The following ACACA variants were observed in gnomAD, a reference collection of about 807,000 sequenced individuals.
The protein encoded by ACACA is acetyl-CoA carboxylase alpha, also known as acetyl-CoA carboxylase 1.
Under a neutral mutation model 296.1 loss-of-function variants are expected in ACACA, and 103 were observed. That is an observed-to-expected ratio of 0.35 (90% CI 0.30 to 0.41). ACACA has a LOEUF of 0.41. Ranked by LOEUF, ACACA falls within the 10% of genes least tolerant of loss-of-function variation. The probability of loss-of-function intolerance (pLI) is 1.00; values close to 1 mark genes in which losing one functional copy is unlikely to be tolerated. For synonymous variants in ACACA, 953 were observed against 1,038.6 expected (o/e 0.92, Z 1.58); for missense variants, 1,554 against 2,989.7 (o/e 0.52, Z 11.20).
intron 8 of ACACA, 134 bp downstream of exon 8, chr17:37,275,817 C>A: frequency 1.3e-6 from 1 of 799,414 alleles, no homozygotes; most frequent in South Asian, 1.4e-5. Flanking sequence ...AAGCTAGGAG[C>A]TACAAGGTAC....
At chr17:37,242,159 A>G (rs1261194434) in intron 22 of ACACA, 106 bp from the exon 23 acceptor site, 1 of 852,624 alleles carries the variant, frequency 1.2e-6, no homozygotes, top group Non-Finnish European at 2.0e-6. Flanking sequence ...ATAACATGGC[A>G]GTTCCTATCT....
chr17:37,288,382 T>A (rs2082888094), intron 3 of ACACA, among the ~76,000 whole-genome samples: 1 of 152,166 alleles, frequency 6.6e-6, no homozygotes, highest in Non-Finnish European at 1.5e-5. Context: ...AAACCTCATG[T>A]TCAGAGAAGG....
chr17:37,360,445 G>A (rs1291808663), intron 1 of ACACA: 4 of 152,166 alleles, frequency 2.6e-5, no homozygotes, highest in African/African-American at 9.6e-5. Flanking sequence ...TTATCTAGGA[G>A]CCCTCATAAT....
At chr17:37,164,696 A>T (rs1456319518) in intron 41 of ACACA, among the ~76,000 whole-genome samples, 1 of 152,206 alleles carries the variant, frequency 6.6e-6, no homozygotes, top group Admixed American at 6.5e-5. Flanking sequence ...CTGCCTTCAC[A>T]CATGCCCCTC....
At chr17:37,089,107 GGGTCA>G in intron 54 of ACACA, 33 bp from the exon 55 acceptor site, 2 of 1,614,044 alleles carry the variant, frequency 1.2e-6, no homozygotes, top group African/African-American at 2.7e-5. Flanking sequence ...CAAACACCAG[GGGTCA>G]GGCCAGGCCG....
intron 3 of ACACA, among the ~76,000 whole-genome samples, chr17:37,324,491 G>A (rs1488859556): frequency 6.6e-6 from 1 of 151,252 alleles, no homozygotes; most frequent in Non-Finnish European, 1.5e-5. Flanking sequence ...CCAACATGGA[G>A]AAACCCCATC....
chr17:37,291,080 CAAAA>C (rs57643200), intron 3 of ACACA, among the ~76,000 whole-genome samples: 2 of 85,198 alleles, frequency 2.3e-5, no homozygotes, highest in Non-Finnish European at 2.3e-5. Flanking sequence ...GACTCTGTCT[CAAAA>C]AAAAAAAAAA....
At chr17:37,147,571 G>A (rs1055139642) in intron 45 of ACACA, among the ~76,000 whole-genome samples, 13 of 152,284 alleles carry the variant, frequency 8.5e-5, no homozygotes, top group South Asian at 2.1e-4. Context: ...AGGCAAAGGG[G>A]CTAATAGGAT....
intron 55 of ACACA, 84 bp from the exon 56 acceptor site, chr17:37,087,523 TGTGTGCACC>T: frequency 6.6e-7 from 1 of 1,520,612 alleles, no homozygotes; most frequent in East Asian, 2.3e-5. Context: ...CCAATAAACA[TGTGTGCACC>T]GTCCACTGCA....
rs1251647750 is a variant in ACACA at position 37,260,282 on chromosome 17, ATATATATATATATATTTTTTTTTTT to A, written c.1330-777_1330-753del. 2.2e-3 allele frequency among the ~76,000 whole-genome samples: 79 copies of A among 35,604 alleles called. 6 individuals are homozygous for A. Among genetic ancestry groups the A allele is most frequent in the African/African-American group, 0.011 (74 of 6,716 alleles). 23.4% of individuals were successfully genotyped at this position (35,604 alleles called of 152,430 possible). ...TATATATATATATATATATATATATATATATATATATATATTTTTTTTTTTTTTTTTTTTGGAGATGGAGTCTCGC... is the reference window on the plus strand; with the variant it reads ...TATATATATATATATATATATATATATTTTTTTTTGGAGATGGAGTCTCGC... On this transcript the variant is annotated intron_variant, in intron 11 of 55. Transcript: ENST00000616317.
rs1274551665 is a variant in ACACA, at chr17:37,113,695, G to C, written c.6275-430C>G. On this transcript the variant is annotated intron_variant, in intron 50 of 55. Coordinates refer to ENST00000616317, the MANE Select transcript of ACACA (RefSeq NM_198834.3). The surrounding 1 kb of genome is among the most constrained non-coding windows in gnomAD (Gnocchi z 4.0). Reference sequence around the variant, plus strand: ...GTTATTCTCATGATGCTTAGCATAGGATGAGCTCTTCAAATGTGCACCTAA... The same window carrying C: ...GTTATTCTCATGATGCTTAGCATAGCATGAGCTCTTCAAATGTGCACCTAA... Among the ~76,000 whole-genome samples, 1 of 152,190 alleles carries C rather than the reference G, an allele frequency of 6.6e-6. No individual in the cohort carries two copies. Among genetic ancestry groups the C allele is most frequent in the Non-Finnish European group, 1.5e-5 (1 of 68,034 alleles).
chr17:37,251,539 T>C (rs777590683), intron 16 of ACACA, among the ~76,000 whole-genome samples: 9 of 152,276 alleles, frequency 5.9e-5, no homozygotes, highest in Middle Eastern at 6.8e-3. Flanking sequence ...CAATCAGCAA[T>C]AGAAATTAGT....
chr17:37,192,340 A>G (rs779145025), intron 36 of ACACA, 35 bp from the exon 37 acceptor site: 103 of 1,584,490 alleles, frequency 6.5e-5, no homozygotes, highest in Non-Finnish European at 8.4e-5. Context: ...ACAGCTCACA[A>G]GAGGCAGTTA....
chr17:37,362,426 T>C (rs573847504), intron 1 of ACACA, among the ~76,000 whole-genome samples: 10 of 152,344 alleles, frequency 6.6e-5, no homozygotes, highest in African/African-American at 2.4e-4. Flanking sequence ...AAGGTGATTA[T>C]AGTCTATTTA....
Position 37,157,305 on chromosome 17 carries a change from G to A in ACACA, c.5350-1525C>T, listed in dbSNP as rs536947934. On this transcript the variant is annotated intron_variant, in intron 42 of 55. Transcript: ENST00000616317. The stretch of plus-strand genomic sequence containing the variant: ...AATGCACTGAGGCATGATGTGCTTC[G>A]CAGGTTTAAGAAAGCAGAGTCGGGT... Among the ~76,000 whole-genome samples the A allele has an allele frequency of 1.3e-3, 194 of 152,274 alleles. No individual in the cohort carries two copies. In the South Asian group the frequency reaches 0.013, roughly 10 times the overall value.
chr17:37,389,979 A>G (rs1450508761), intron 1 of ACACA, among the ~76,000 whole-genome samples: 2 of 148,968 alleles, frequency 1.3e-5, no homozygotes, highest in African/African-American at 5.0e-5. Context: ...ATTGGAGTCA[A>G]GAATCTTACT....
At chr17:37,249,206 C>A (rs896438682) in intron 16 of ACACA, among the ~76,000 whole-genome samples, 1 of 152,184 alleles carries the variant, frequency 6.6e-6, no homozygotes, top group African/African-American at 2.4e-5. Flanking sequence ...TTCTTTAAGG[C>A]TGAATAATAC....
In ACACA at chr17:37,179,293, C is replaced by T. The variant is rs766289506; in HGVS notation, c.5046G>A (p.Leu1682=). ...TELVLDDQGQ[L]VHMNRLPGGN... Reference sequence around the variant, plus strand: ...CTCCTGGAAGCCTGTTCATGTGGACCAGCTGACCTTGATCATCCAGTACCA... The same window carrying T: ...CTCCTGGAAGCCTGTTCATGTGGACTAGCTGACCTTGATCATCCAGTACCA... The change falls in exon 41 of 56, where the codon CTG becomes CTA. Residue 1682 remains leucine (L), a synonymous_variant. Coordinates refer to ENST00000616317, the MANE Select transcript of ACACA (RefSeq NM_198834.3). 1.9e-6 allele frequency: 3 copies of T among 1,614,086 alleles called. No homozygotes were observed. The highest frequency in any genetic ancestry group is 2.5e-6 in the Non-Finnish European group (3 of 1,180,000).
chr17:37,322,171 A>G (rs2047386387), intron 3 of ACACA, among the ~76,000 whole-genome samples: 1 of 152,236 alleles, frequency 6.6e-6, no homozygotes, highest in Non-Finnish European at 1.5e-5. Context: ...TAGATCAGAA[A>G]AGAAATAGAA....
Sources: gnomAD v4.1 joint callset for allele counts (sites outside exome capture counted in the v4.1 genomes callset) on GRCh38, gnomAD v4.1.1 for gene constraint, Gnocchi (gnomAD v3.1) non-coding constraint, MANE v1.5 for transcripts, NCBI Gene and HGNC (gene_info 2026-07-23, HGNC 2026-07-21) for gene names.